SLC4A10: variants seen among roughly 807,000 people sequenced by gnomAD.
SLC4A10 encodes sodium-driven chloride bicarbonate exchanger.
A neutral mutation model predicts 137.7 loss-of-function variants in SLC4A10; 42 were observed. That is an observed-to-expected ratio of 0.30 (90% CI 0.24 to 0.39). The LOEUF (loss-of-function observed/expected upper bound fraction) is 0.39. Ranked by LOEUF, SLC4A10 falls within the 10% of genes least tolerant of loss-of-function variation. SLC4A10 has a pLI of 1.00. For synonymous variants in SLC4A10, 474 were observed against 464.1 expected (o/e 1.02, Z -0.27); for missense variants, 925 against 1,355.0 (o/e 0.68, Z 4.98).
At chr2:161,709,166 A>G (rs1289214171) in intron 1 of SLC4A10, among the ~76,000 whole-genome samples, 1 of 151,556 alleles carries the variant, frequency 6.6e-6, no homozygotes. Context: ...GTCAATCTTT[A>G]TATTTTACTT....
At chr2:161,947,403 T>A (rs917546048) in intron 16 of SLC4A10, among the ~76,000 whole-genome samples, 163 bp from the exon 17 acceptor site, 1 of 152,154 alleles carries the variant, frequency 6.6e-6, no homozygotes, top group African/African-American at 2.4e-5. Context: ...CCCATCCAAG[T>A]TGAACTTGAA....
At chr2:161,754,810 A>T (rs1257477334) in intron 1 of SLC4A10, among the ~76,000 whole-genome samples, 1 of 152,136 alleles carries the variant, frequency 6.6e-6, no homozygotes, top group Non-Finnish European at 1.5e-5. Flanking sequence ...TTTATGTTTT[A>T]TCTATTAAAA....
At chr2:161,803,093 A>G (rs1166050308) in intron 2 of SLC4A10, among the ~76,000 whole-genome samples, 3 of 152,026 alleles carry the variant, frequency 2.0e-5, no homozygotes, top group Admixed American at 6.6e-5. Context: ...CCCTGATACA[A>G]CACTCTCCTA....
intron 10 of SLC4A10, among the ~76,000 whole-genome samples, chr2:161,890,490 A>G: frequency 6.6e-6 from 1 of 152,194 alleles, no homozygotes; most frequent in East Asian, 1.9e-4. Flanking sequence ...GGGTGCATAT[A>G]TATTTAAGAT....
intron 3 of SLC4A10, among the ~76,000 whole-genome samples, chr2:161,836,532 GAAAGAAAGAA>G (rs768710697): frequency 1.1e-3 from 10 of 9,086 alleles, no homozygotes; most frequent in Admixed American, 2.0e-3. Flanking sequence ...GAGAGAGAGA[GAAAGAAAGAA>G]AGAAAGAAAG....
chr2:161,844,419 A>T (rs566691345), intron 4 of SLC4A10, among the ~76,000 whole-genome samples: 39 of 152,074 alleles, frequency 2.6e-4, no homozygotes, highest in Non-Finnish European at 4.3e-4. Flanking sequence ...TCCCCTTAAG[A>T]TGACTATAGG....
chr2:161,685,289 G>A (rs1214175489), intron 1 of SLC4A10, among the ~76,000 whole-genome samples: 1 of 152,092 alleles, frequency 6.6e-6, no homozygotes, highest in African/African-American at 2.4e-5. Flanking sequence ...GTCATTCTGT[G>A]AGGTATGTTG....
chr2:161,883,649 A>C (rs1286667967), intron 10 of SLC4A10, among the ~76,000 whole-genome samples: 1 of 152,150 alleles, frequency 6.6e-6, no homozygotes, highest in East Asian at 1.9e-4. Flanking sequence ...CAGCAGGGCC[A>C]CAATCCCTTC....
At chr2:161,753,838 A>G (rs73005130) in intron 1 of SLC4A10, among the ~76,000 whole-genome samples, 4 of 151,256 alleles carry the variant, frequency 2.6e-5, no homozygotes, top group African/African-American at 9.7e-5. Flanking sequence ...AGCTCACTTT[A>G]CTGTTAAATA....
At chr2:161,921,696 A>T (rs763682612) in intron 15 of SLC4A10, among the ~76,000 whole-genome samples, 3 of 152,026 alleles carry the variant, frequency 2.0e-5, no homozygotes, top group Non-Finnish European at 2.9e-5. Flanking sequence ...TGCTTTACAA[A>T]CAATCAATCT....
chr2:161,834,410 C>T (rs950957735), intron 3 of SLC4A10, among the ~76,000 whole-genome samples: 5 of 152,026 alleles, frequency 3.3e-5, no homozygotes, highest in Admixed American at 6.6e-5. Context: ...TTATAGCTAC[C>T]GGAATGGAAC....
chr2:161,676,313 A>G (rs1371989891), intron 1 of SLC4A10, among the ~76,000 whole-genome samples: 1 of 152,148 alleles, frequency 6.6e-6, no homozygotes, highest in Non-Finnish European at 1.5e-5. Context: ...TTCTGAAAAG[A>G]CTGTGGGCAC....
At chr2:161,802,962 C>A (rs2055531212) in intron 2 of SLC4A10, among the ~76,000 whole-genome samples, 1 of 152,034 alleles carries the variant, frequency 6.6e-6, no homozygotes. Context: ...AAAATATAAA[C>A]CTCGGGGGAC....
chr2:161,879,414 C>T lies in SLC4A10; in HGVS notation c.1106+126C>T. ...AACTAATGTGAAATCCACAAAACTA[C>T]TATTAATTTTTGTTTGTGGAGGAGG... On this transcript the variant is annotated intron_variant, in intron 9 of 26. Coordinates refer to ENST00000446997, the MANE Select transcript of SLC4A10 (RefSeq NM_001178015.2). The T allele has an allele frequency of 3.0e-6, 3 of 998,122 alleles. No homozygotes were observed. In the South Asian group the frequency reaches 6.3e-5, roughly 21 times the overall value. 61.8% of individuals were successfully genotyped at this position (998,122 alleles called of 1,614,324 possible).
intron 3 of SLC4A10, among the ~76,000 whole-genome samples, chr2:161,817,321 G>T (rs1378676523): frequency 1.3e-5 from 2 of 152,100 alleles, no homozygotes; most frequent in Non-Finnish European, 2.9e-5. Context: ...ACTTTTTGAT[G>T]GGACTGTTTG....
chr2:161,838,065 C>T (rs781473857), intron 3 of SLC4A10, among the ~76,000 whole-genome samples: 31 of 152,168 alleles, frequency 2.0e-4, no homozygotes, highest in Non-Finnish European at 4.1e-4. Context: ...GCCACTCAAT[C>T]TATGGTACTT....
At chr2:161,962,066 G>A (rs933982646) in intron 21 of SLC4A10, among the ~76,000 whole-genome samples, 2 of 152,148 alleles carry the variant, frequency 1.3e-5, no homozygotes, top group Non-Finnish European at 2.9e-5. Flanking sequence ...TCATGATGAT[G>A]ATTATTATTT....
At chr2:161,949,424 A>G (rs928058435) in intron 18 of SLC4A10, among the ~76,000 whole-genome samples, 163 bp downstream of exon 18, 3 of 152,130 alleles carry the variant, frequency 2.0e-5, no homozygotes, top group Admixed American at 6.6e-5. Context: ...TAGGTCTAAT[A>G]TTTAAAAATA....
chr2:161,955,465 A>G (rs954742314), intron 19 of SLC4A10, among the ~76,000 whole-genome samples: 2 of 152,198 alleles, frequency 1.3e-5, no homozygotes, highest in South Asian at 2.1e-4. Context: ...ATTGAGTTAG[A>G]TATTTTGGTA....
Sources: gnomAD v4.1 joint callset for allele counts (sites outside exome capture counted in the v4.1 genomes callset) on GRCh38, gnomAD v4.1.1 for gene constraint, MANE v1.5 for transcripts, NCBI Gene and HGNC (gene_info 2026-07-23, HGNC 2026-07-21) for gene names.